LAPTM4B: variants seen among roughly 807,000 people sequenced by gnomAD.
LAPTM4B encodes the protein lysosomal-associated transmembrane protein 4B.
A neutral mutation model predicts 28.5 loss-of-function variants in LAPTM4B; 26 were observed. The observed-to-expected ratio is 0.91, with a 90% CI of 0.67 to 1.27. The LOEUF (loss-of-function observed/expected upper bound fraction) is 1.27, where lower values mean the gene tolerates loss of function less well. Among genes scored for constraint, LAPTM4B ranks in the 50% most tolerant of loss-of-function variants. The probability of loss-of-function intolerance (pLI) is 0.00; values close to 1 mark genes in which losing one functional copy is unlikely to be tolerated. For missense variants in LAPTM4B, 288 were observed against 285.8 expected (o/e 1.01, Z -0.06); for synonymous variants, 109 against 106.4 (o/e 1.02, Z -0.15).
At chr8:97,789,001 C>G (rs566868348) in intron 1 of LAPTM4B, among the ~76,000 whole-genome samples, 2 of 151,392 alleles carry the variant, frequency 1.3e-5, no homozygotes, top group East Asian at 3.9e-4. Flanking sequence ...GCCCTGACAG[C>G]CATTTTTTTG....
intron 1 of LAPTM4B, among the ~76,000 whole-genome samples, chr8:97,783,433 A>G (rs1816354677): frequency 6.6e-6 from 1 of 152,178 alleles, no homozygotes; most frequent in African/African-American, 2.4e-5. Flanking sequence ...TCTTTGGTAT[A>G]TTTCAAGATA....
At chr8:97,815,226 G>C in intron 2 of LAPTM4B, 102 bp from the exon 3 acceptor site, 3 of 786,666 alleles carry the variant, frequency 3.8e-6, no homozygotes, top group Non-Finnish European at 6.7e-6. Flanking sequence ...CTAACTTTAT[G>C]CTAGTTTATT....
At chr8:97,830,842 G>A (rs1242201526) in intron 6 of LAPTM4B, among the ~76,000 whole-genome samples, 1 of 152,112 alleles carries the variant, frequency 6.6e-6, no homozygotes, top group Non-Finnish European at 1.5e-5. Context: ...TCTGGAGTGG[G>A]TAAAAGGAAA....
In LAPTM4B at chr8:97,805,351, A is replaced by G; in HGVS notation, c.100-2A>G. 1.8e-6 allele frequency: 2 copies of G among 1,107,924 alleles called. No individual in the cohort carries two copies. Among genetic ancestry groups the G allele is most frequent in the South Asian group, 1.5e-5 (1 of 66,940 alleles). 68.6% of individuals were successfully genotyped at this position (1,107,924 alleles called of 1,614,324 possible). On this transcript the variant is annotated splice_acceptor_variant, in intron 1 of 6. Transcript: ENST00000521545. LOFTEE classifies it high-confidence loss of function. The stretch of plus-strand genomic sequence containing the variant: ...TTTTTTTTTTTTTTTTTCTTGTTGC[A>G]GATCATCAATGCTGTGGTACTGTTG...
chr8:97,831,521 C>T (rs1280622045), intron 6 of LAPTM4B, among the ~76,000 whole-genome samples: 1 of 151,958 alleles, frequency 6.6e-6, no homozygotes, highest in Admixed American at 6.6e-5. Flanking sequence ...AATGTATTTC[C>T]ATAATGGGAA....
chr8:97,781,981 C>CTT (rs140423500), intron 1 of LAPTM4B, among the ~76,000 whole-genome samples: 1 of 140,276 alleles, frequency 7.1e-6, no homozygotes. Flanking sequence ...ACTTTGGGGA[C>CTT]TTTTTTTTTT....
At chr8:97,785,597 A>G (rs1726172325) in intron 1 of LAPTM4B, among the ~76,000 whole-genome samples, 1 of 152,250 alleles carries the variant, frequency 6.6e-6, no homozygotes, top group Admixed American at 6.5e-5. Flanking sequence ...CCCTGACTGT[A>G]CACACAGATT....
intron 2 of LAPTM4B, among the ~76,000 whole-genome samples, chr8:97,809,033 A>G (rs1292190393): frequency 1.3e-5 from 2 of 152,204 alleles, no homozygotes; most frequent in African/African-American, 2.4e-5. Flanking sequence ...AATAGGAGAG[A>G]AACCACAAAG....
At chr8:97,786,448 A>G (rs2129730255) in intron 1 of LAPTM4B, among the ~76,000 whole-genome samples, 1 of 150,978 alleles carries the variant, frequency 6.6e-6, no homozygotes. Flanking sequence ...TCACGCCTGT[A>G]ATCCCAGCAC....
intron 6 of LAPTM4B, among the ~76,000 whole-genome samples, chr8:97,845,603 A>G (rs1257405547): frequency 6.6e-6 from 1 of 151,904 alleles, no homozygotes; most frequent in Non-Finnish European, 1.5e-5. Context: ...CTTATGGTGC[A>G]ATTACCTTGT....
chr8:97,809,492 G>A (rs569732040), intron 2 of LAPTM4B, among the ~76,000 whole-genome samples: 1 of 152,188 alleles, frequency 6.6e-6, no homozygotes, highest in Admixed American at 6.5e-5. Flanking sequence ...TTGAGCTCAG[G>A]AGTTCGAGAT....
At chr8:97,834,086 C>A (rs1007865018) in intron 6 of LAPTM4B, among the ~76,000 whole-genome samples, 10 of 148,070 alleles carry the variant, frequency 6.8e-5, no homozygotes, top group African/African-American at 2.2e-4. Flanking sequence ...GGGAGGATCA[C>A]TGGAGGCCAG....
At chr8:97,850,474 G>GTGTGTGTGTGTGTGTGTGTA (rs150321926) in intron 6 of LAPTM4B, among the ~76,000 whole-genome samples, 4,784 of 146,296 alleles carry the variant, frequency 0.033, 331 homozygotes, top group African/African-American at 0.12. Context: ...GGGTGTGTGT[G>GTGTGTGTGTGTGTGTGTGTA]TGTGTGTGTG....
intron 1 of LAPTM4B, among the ~76,000 whole-genome samples, chr8:97,796,316 C>T (rs964826088): frequency 1.3e-5 from 2 of 152,166 alleles, no homozygotes; most frequent in Non-Finnish European, 1.5e-5. Context: ...GTTGTCCAGG[C>T]TGATCTCCTG....
chr8:97,835,882 AGCGGGC>A (rs57787591), intron 6 of LAPTM4B, among the ~76,000 whole-genome samples: 59,471 of 151,892 alleles, frequency 0.39, 12,226 homozygotes, highest in Non-Finnish European at 0.46. Flanking sequence ...GGAGGTGAGC[AGCGGGC>A]GCGGGCAAGC....
At chr8:97,824,986 T>C (rs928761457) in intron 5 of LAPTM4B, 72 bp from the exon 6 acceptor site, 1 of 829,114 alleles carries the variant, frequency 1.2e-6, no homozygotes, top group Admixed American at 1.8e-5. Flanking sequence ...ATAATATGGC[T>C]TTATCTGTGT....
intron 6 of LAPTM4B, among the ~76,000 whole-genome samples, chr8:97,833,412 AAG>A (rs1817215639): frequency 6.6e-6 from 1 of 152,180 alleles, no homozygotes; most frequent in East Asian, 1.9e-4. Flanking sequence ...TTATTTTTTA[AAG>A]AGTTATTATT....
intron 1 of LAPTM4B, among the ~76,000 whole-genome samples, chr8:97,778,840 A>G (rs983642139): frequency 2.6e-5 from 4 of 152,100 alleles, no homozygotes; most frequent in Non-Finnish European, 4.4e-5. Flanking sequence ...GCCGGCTAAT[A>G]AAGGACTCCT....
At chr8:97,842,115 G>C (rs1817356657) in intron 6 of LAPTM4B, among the ~76,000 whole-genome samples, 1 of 152,204 alleles carries the variant, frequency 6.6e-6, no homozygotes, top group Admixed American at 6.5e-5. Context: ...TGATGAAGCT[G>C]GAAAGCAGCT....
Sources: gnomAD v4.1 joint callset for allele counts (sites outside exome capture counted in the v4.1 genomes callset) on GRCh38, gnomAD v4.1.1 for gene constraint, MANE v1.5 for transcripts, NCBI Gene and HGNC (gene_info 2026-07-23, HGNC 2026-07-21) for gene names.